YY1AP1: variants seen among roughly 807,000 people sequenced by gnomAD.
YY1AP1 encodes the protein YY1-associated protein 1.
YY1AP1 carries 43 observed loss-of-function variants against 39.9 expected under a neutral mutation model. The observed-to-expected ratio is 1.08, with a 90% CI of 0.84 to 1.39. The LOEUF is 1.39. YY1AP1 is among the 40% of genes most tolerant of loss of function. The pLI is 0.00. For missense variants in YY1AP1, 813 were observed against 900.7 expected (o/e 0.90, Z 1.25); for synonymous variants, 292 against 331.3 (o/e 0.88, Z 1.29).
intron 8 of YY1AP1, among the ~76,000 whole-genome samples, chr1:155,669,438 TGAATAA>T (rs1245112008): frequency 1.3e-5 from 2 of 152,176 alleles, no homozygotes; most frequent in Non-Finnish European, 1.5e-5. Context: ...TTAAGTACTA[TGAATAA>T]GAATCAAATA....
At chr1:155,683,983 C>T (rs965311835) in intron 2 of YY1AP1, among the ~76,000 whole-genome samples, 5 of 152,192 alleles carry the variant, frequency 3.3e-5, no homozygotes, top group Non-Finnish European at 7.3e-5. Flanking sequence ...TGCAGTGGCT[C>T]ACTCCTATAA....
At chr1:155,664,103 A>G (rs929958615) in intron 9 of YY1AP1, among the ~76,000 whole-genome samples, 1 of 151,876 alleles carries the variant, frequency 6.6e-6, no homozygotes, top group Admixed American at 6.6e-5. Context: ...CAAACTGGGC[A>G]ACAGGGTGGG....
At chr1:155,662,736 C>A (rs1648351578) in intron 9 of YY1AP1, among the ~76,000 whole-genome samples, 1 of 152,108 alleles carries the variant, frequency 6.6e-6, no homozygotes, top group Non-Finnish European at 1.5e-5. Flanking sequence ...CATGGTGGCT[C>A]ATGCCTGTAA....
chr1:155,681,974 C>A (rs868166495), intron 2 of YY1AP1, among the ~76,000 whole-genome samples: 18 of 151,696 alleles, frequency 1.2e-4, no homozygotes, highest in African/African-American at 4.1e-4. Flanking sequence ...CATGAGCCAC[C>A]CCACCTGGCA....
At chr1:155,685,275 C>G (rs1652055093) in intron 2 of YY1AP1, among the ~76,000 whole-genome samples, 1 of 152,198 alleles carries the variant, frequency 6.6e-6, no homozygotes, top group Non-Finnish European at 1.5e-5. Flanking sequence ...ATGTTTCCCT[C>G]TTCCTTGTCC....
intron 4 of YY1AP1, among the ~76,000 whole-genome samples, chr1:155,677,760 C>T (rs891515038): frequency 1.1e-4 from 16 of 152,036 alleles, no homozygotes; most frequent in Non-Finnish European, 1.8e-4. Context: ...TTTGAACATC[C>T]GCGCTACCAC....
intron 1 of YY1AP1, 73 bp downstream of exon 1, chr1:155,688,586 A>T (rs1465986254): frequency 5.2e-6 from 8 of 1,536,204 alleles, no homozygotes; most frequent in African/African-American, 1.4e-5. Context: ...CACCCACGGG[A>T]ACCTCCTCGC....
rs1290646701 is a variant in YY1AP1 at position 155,660,176 on chromosome 1, A to T, written c.1734T>A (p.Asn578Lys). 1 of 1,614,078 alleles carries T rather than the reference A, an allele frequency of 6.2e-7. No individual in the cohort carries two copies. Among genetic ancestry groups the T allele is most frequent in the East Asian group, 2.2e-5 (1 of 44,896 alleles). Residue 578 changes from asparagine to lysine, a missense_variant, in exon 11 of 11, where the codon AAT (asparagine) becomes AAA (lysine). This residue lies in a region of YY1AP1 where 586 missense variants were observed against 647.4 expected (regional missense o/e 0.91). Transcript: ENST00000355499. ...TCTGGGGACTCTGGGCCACAGCCGC[A>T]TTGACAGGCTGGATCATGTTACAGC... Reference protein sequence around the residue: ...GGGCNMIQPVNAAVAQSPQTI... With the variant: ...GGGCNMIQPVKAAVAQSPQTI...
At chr1:155,664,125 GAA>G (rs749401754) in intron 9 of YY1AP1, among the ~76,000 whole-genome samples, 3 of 129,498 alleles carry the variant, frequency 2.3e-5, no homozygotes, top group Admixed American at 7.9e-5. Context: ...CCCTGTCTCG[GAA>G]AAAAAAAAAA....
chr1:155,665,424 CCT>C (rs1311789311), intron 9 of YY1AP1, among the ~76,000 whole-genome samples: 1 of 151,644 alleles, frequency 6.6e-6, no homozygotes, highest in Non-Finnish European at 1.5e-5. Flanking sequence ...ATGGTGAAAC[CCT>C]GTCTCTACTA....
intron 8 of YY1AP1, among the ~76,000 whole-genome samples, chr1:155,670,072 C>T (rs1649619569): frequency 6.6e-6 from 1 of 152,112 alleles, no homozygotes; most frequent in Non-Finnish European, 1.5e-5. Flanking sequence ...CTTGGCCTTT[C>T]AAAGTGCTGG....
At chr1:155,668,503 G>C (rs750423415) in intron 9 of YY1AP1, 124 bp downstream of exon 9, 56 of 1,461,170 alleles carry the variant, frequency 3.8e-5, no homozygotes, top group Non-Finnish European at 4.8e-5. Context: ...AATTAATCTA[G>C]TATATAAGTA....
intron 3 of YY1AP1, 170 bp downstream of exon 3, chr1:155,680,246 G>T: frequency 5.5e-6 from 3 of 541,184 alleles, no homozygotes; most frequent in Non-Finnish European, 9.4e-6. Flanking sequence ...GGATAATCAA[G>T]AGTCTAGCAG....
intron 5 of YY1AP1, 133 bp from the exon 6 acceptor site, chr1:155,675,229 T>C: frequency 2.8e-6 from 2 of 721,296 alleles, no homozygotes; most frequent in South Asian, 3.6e-5. Context: ...GGTGCAACCA[T>C]GACTCAATGC....
At chr1:155,671,478 C>G (rs1649861033) in intron 7 of YY1AP1, among the ~76,000 whole-genome samples, 1 of 151,452 alleles carries the variant, frequency 6.6e-6, no homozygotes, top group Non-Finnish European at 1.5e-5. Flanking sequence ...ATCTCCCTCA[C>G]AAACCTGGTA....
intron 10 of YY1AP1, 151 bp from the exon 11 acceptor site, chr1:155,661,064 T>C (rs1009435737): frequency 3.4e-6 from 5 of 1,486,582 alleles, no homozygotes; most frequent in Admixed American, 4.5e-5. Flanking sequence ...AGTCCAATTA[T>C]ACACTTTAGA....
chr1:155,672,370 G>A (rs397720580), intron 7 of YY1AP1, 190 bp downstream of exon 7: 42 of 891,140 alleles, frequency 4.7e-5, no homozygotes, highest in Admixed American at 8.3e-5. Context: ...ACCCAGGCCC[G>A]GAGATTATCA....
intron 9 of YY1AP1, among the ~76,000 whole-genome samples, chr1:155,664,707 AT>A (rs1016950986): frequency 5.9e-5 from 9 of 152,130 alleles, no homozygotes; most frequent in African/African-American, 9.7e-5. Flanking sequence ...AAGAAAAAAA[AT>A]AAAACAAAAA....
At chr1:155,688,958 G>A (rs751537839), upstream of YY1AP1, 3 of 1,611,174 alleles carry the variant, frequency 1.9e-6, no homozygotes, top group South Asian at 1.1e-5. Flanking sequence ...GCGGCGCTGC[G>A]GCTCGCCTCC....
Sources: gnomAD v4.1 joint callset for allele counts (sites outside exome capture counted in the v4.1 genomes callset) on GRCh38, gnomAD v4.1.1 for gene constraint, gnomAD v4.1.1 regional missense constraint, MANE v1.5 for transcripts, NCBI Gene and HGNC (gene_info 2026-07-23, HGNC 2026-07-21) for gene names.